DLGAP2: variants seen among roughly 807,000 people sequenced by gnomAD.
The protein encoded by DLGAP2 is DLG associated protein 2.
DLGAP2 carries 26 observed loss-of-function variants against 100.3 expected under a neutral mutation model. The observed-to-expected ratio is 0.26, with a 90% CI of 0.19 to 0.36. The LOEUF (loss-of-function observed/expected upper bound fraction) is 0.36. DLGAP2 is among the 10% of genes least tolerant of loss of function. DLGAP2 has a pLI of 1.00. For missense variants in DLGAP2, 1,858 were observed against 1,453.2 expected (o/e 1.28, Z -4.53); for synonymous variants, 886 against 630.1 (o/e 1.41, Z -6.08).
chr8:806,670 C>T (rs1189856430), intron 1 of DLGAP2, among the ~76,000 whole-genome samples: 2 of 152,156 alleles, frequency 1.3e-5, no homozygotes, highest in South Asian at 2.1e-4. Context: ...TTTCCTTTCT[C>T]GTGGGAACTT....
intron 2 of DLGAP2, among the ~76,000 whole-genome samples, chr8:962,692 G>A (rs1203567852): frequency 6.6e-6 from 1 of 152,172 alleles, no homozygotes; most frequent in East Asian, 1.9e-4. Context: ...ATCAGATGGA[G>A]CAGAGTGGAA....
intron 3 of DLGAP2, among the ~76,000 whole-genome samples, chr8:1,469,352 G>A (rs917457355): frequency 1.3e-5 from 2 of 152,214 alleles, no homozygotes; most frequent in African/African-American, 4.8e-5. Context: ...AGCGAAGCGG[G>A]CTTTATTCTG....
intron 2 of DLGAP2, among the ~76,000 whole-genome samples, chr8:1,027,248 A>G (rs1167051801): frequency 6.6e-6 from 1 of 152,248 alleles, no homozygotes; most frequent in East Asian, 1.9e-4. Flanking sequence ...TTATGCGTTA[A>G]TCCAGCACAT....
chr8:1,659,526 C>T (rs1045479075), intron 8 of DLGAP2, among the ~76,000 whole-genome samples: 5 of 152,110 alleles, frequency 3.3e-5, no homozygotes, highest in African/African-American at 1.2e-4. Flanking sequence ...CTGGGTGCTC[C>T]TGTATTGGGT....
At chr8:1,174,394 C>G (rs1335891737) in intron 2 of DLGAP2, among the ~76,000 whole-genome samples, 1 of 151,908 alleles carries the variant, frequency 6.6e-6, no homozygotes, top group Non-Finnish European at 1.5e-5. Context: ...CCACCATCAT[C>G]ATTACCATCA....
At chr8:988,792 A>T (rs985040802) in intron 2 of DLGAP2, among the ~76,000 whole-genome samples, 5 of 152,074 alleles carry the variant, frequency 3.3e-5, no homozygotes, top group African/African-American at 1.2e-4. Context: ...TGGTGAGTGC[A>T]TGGCTCTCCT....
At chr8:1,295,914 A>G (rs1800161749) in intron 3 of DLGAP2, 1 of 152,256 alleles carries the variant, frequency 6.6e-6, no homozygotes, top group African/African-American at 2.4e-5. Context: ...GAAGCGTCAC[A>G]ACATGCCTGC....
intron 2 of DLGAP2, among the ~76,000 whole-genome samples, chr8:1,053,184 C>T (rs554407695): frequency 7.2e-5 from 11 of 152,278 alleles, no homozygotes; most frequent in African/African-American, 2.2e-4. Flanking sequence ...AATAGAAGCG[C>T]GGATGTGGTG....
At chr8:1,435,929 G>C (rs1030089607) in intron 3 of DLGAP2, among the ~76,000 whole-genome samples, 1 of 152,062 alleles carries the variant, frequency 6.6e-6, no homozygotes, top group Non-Finnish European at 1.5e-5. Flanking sequence ...TATAGAATAA[G>C]AATATAAAGA....
chr8:911,531 T>A (rs1270138068), intron 2 of DLGAP2, among the ~76,000 whole-genome samples: 1 of 148,434 alleles, frequency 6.7e-6, no homozygotes, highest in Non-Finnish European at 1.5e-5. Flanking sequence ...GAAAGACGTG[T>A]ATAACATGTT....
intron 2 of DLGAP2, among the ~76,000 whole-genome samples, chr8:1,250,741 G>A (rs944570362): frequency 1.3e-5 from 2 of 152,050 alleles, no homozygotes; most frequent in Non-Finnish European, 1.5e-5. Context: ...AAAATGGAAT[G>A]AGACTTGAGT....
rs2235112 is a variant in DLGAP2, at chr8:1,668,552, A to G, written c.2034A>G (p.Glu678=). The change falls in exon 9 of 15, where the codon GAA becomes GAG. Residue 678 remains glutamate, a synonymous_variant. Transcript: ENST00000637795. The part of the protein sequence containing the change: ...DSNKAMNLAL[E]TAAAQRHLPE... Reference sequence around the variant, plus strand: ...ACAAGGCCATGAACCTCGCGCTGGAAACGGCCGCTGCCCAGCGCCACCTGC... The same window carrying G: ...ACAAGGCCATGAACCTCGCGCTGGAGACGGCCGCTGCCCAGCGCCACCTGC... The G allele has an allele frequency of 0.31, 495,914 of 1,588,270 alleles. 90,683 individuals are homozygous for G. Among genetic ancestry groups the G allele is most frequent in the African/African-American group, 0.72 (53,194 of 74,216 alleles).
chr8:1,277,214 C>T (rs1425955601), intron 3 of DLGAP2, among the ~76,000 whole-genome samples: 1 of 152,114 alleles, frequency 6.6e-6, no homozygotes, highest in Non-Finnish European at 1.5e-5. Flanking sequence ...ATTTTTGGAA[C>T]CCAGGAGTGA....
At chr8:1,672,892 TG>T (rs1386631243) in intron 10 of DLGAP2, among the ~76,000 whole-genome samples, 5 of 152,068 alleles carry the variant, frequency 3.3e-5, no homozygotes, top group Admixed American at 6.5e-5. Flanking sequence ...ATGAGCTTGT[TG>T]GGAGAGCAAA....
intron 6 of DLGAP2, among the ~76,000 whole-genome samples, chr8:1,589,213 T>A (rs529052903): frequency 2.0e-5 from 3 of 152,214 alleles, no homozygotes; most frequent in Admixed American, 2.0e-4. Context: ...TGAAAAACAT[T>A]AGTTTCGTTG....
At chr8:918,418 A>C (rs372878969) in intron 2 of DLGAP2, among the ~76,000 whole-genome samples, 19 of 152,318 alleles carry the variant, frequency 1.2e-4, no homozygotes, top group East Asian at 9.7e-4. Context: ...TTTTATAACC[A>C]TGCACGTTTA....
intron 1 of DLGAP2, chr8:754,085 C>T (rs975734277): frequency 1.3e-5 from 2 of 152,250 alleles, no homozygotes; most frequent in African/African-American, 4.8e-5. Flanking sequence ...CCGCACCGCT[C>T]CACGTGGGGA....
intron 4 of DLGAP2, among the ~76,000 whole-genome samples, chr8:1,526,374 G>T (rs1032897376): frequency 6.6e-6 from 1 of 151,972 alleles, no homozygotes; most frequent in Admixed American, 6.6e-5. Flanking sequence ...GAGGAATTGG[G>T]GGCTCAGAGG....
chr8:926,907 G>A (rs574884850), intron 2 of DLGAP2, among the ~76,000 whole-genome samples: 12 of 152,250 alleles, frequency 7.9e-5, no homozygotes, highest in Non-Finnish European at 1.6e-4. Context: ...CCTCGTAGGC[G>A]TTCCAGGTGT....
Sources: allele counts gnomAD v4.1 joint callset (sites outside exome capture counted in the v4.1 genomes callset), GRCh38; gene constraint gnomAD v4.1.1; transcripts MANE v1.5; gene names NCBI Gene and HGNC (gene_info 2026-07-23, HGNC 2026-07-21).